The following RTTN variants were observed in gnomAD, a reference collection of about 807,000 sequenced individuals.
RTTN encodes the protein rotatin.
Under a neutral mutation model 269.2 loss-of-function variants are expected in RTTN, and 182 were observed. The observed-to-expected ratio is 0.68, with a 90% CI of 0.60 to 0.76. The LOEUF (loss-of-function observed/expected upper bound fraction) is 0.76, where lower values mean the gene tolerates loss of function less well. RTTN is among the 30% of genes least tolerant of loss of function. RTTN has a pLI of 0.00. For synonymous variants in RTTN, 1,006 were observed against 963.5 expected (o/e 1.04, Z -0.82); for missense variants, 2,545 against 2,608.6 (o/e 0.98, Z 0.53).
chr18:70,022,699 A>G (rs947721356), intron 44 of RTTN, among the ~76,000 whole-genome samples: 2 of 152,176 alleles, frequency 1.3e-5, no homozygotes, highest in African/African-American at 4.8e-5. Context: ...TAAGTCCAAC[A>G]GCCATTTTTT....
chr18:70,152,472 C>T (rs558914510), intron 14 of RTTN, among the ~76,000 whole-genome samples: 2 of 152,170 alleles, frequency 1.3e-5, no homozygotes, highest in Admixed American at 6.5e-5. Flanking sequence ...AGTAAATGCT[C>T]AATAAATGTT....
intron 11 of RTTN, among the ~76,000 whole-genome samples, chr18:70,173,761 ACAG>A (rs2061211432): frequency 6.6e-6 from 1 of 152,206 alleles, no homozygotes; most frequent in East Asian, 1.9e-4. Flanking sequence ...GTTTAAAAAT[ACAG>A]TCAGTAAGAA....
In RTTN at chr18:70,092,101, C is replaced by T; in HGVS notation, c.4143+9G>A. 2 of 1,560,868 alleles carry T rather than the reference C, an allele frequency of 1.3e-6. No homozygotes were observed. The highest frequency in any genetic ancestry group is 1.8e-6 in the Non-Finnish European group (2 of 1,132,390). On this transcript the variant is annotated intron_variant, in intron 30 of 48. Coordinates refer to ENST00000640769, the MANE Select transcript of RTTN (RefSeq NM_173630.4). ...AAACACAATACACTTGATTCTCCTT[C>T]ACACTCACCTCTGGGTCCCGATCAA...
At position 70,160,594 on chromosome 18, in the gene RTTN, T is replaced by C. The variant is rs187933894; in HGVS notation, c.1929+5468A>G. On this transcript the variant is annotated intron_variant, in intron 14 of 48. Transcript: ENST00000640769. ...AGCCAGATCAATCAGGCAAGAAAAATAAAAGGCATCCAAATAGGAAGAGGA... is the reference window on the plus strand; with the variant it reads ...AGCCAGATCAATCAGGCAAGAAAAACAAAAGGCATCCAAATAGGAAGAGGA... 9.5e-5 allele frequency among the ~76,000 whole-genome samples: 9 copies of C among 94,806 alleles called. No individual in the cohort carries two copies. The East Asian group carries it at 2.6e-3, about 27-fold the overall frequency. 62.2% of individuals were successfully genotyped at this position (94,806 alleles called of 152,430 possible). A position where few individuals can be genotyped will look rare whatever the true frequency, so the allele number is the denominator to read the frequency against.
chr18:70,022,745 C>T (rs2056741986), intron 44 of RTTN, among the ~76,000 whole-genome samples: 1 of 152,126 alleles, frequency 6.6e-6, no homozygotes, highest in Admixed American at 6.6e-5. Context: ...AATAGCATTC[C>T]ACACAACTGA....
rs183026540 is a variant in RTTN, at chr18:70,027,274, C to A, written c.5823+1450G>T. ...GCAGTGGGTGACCTGGTGAATTACC[C>A]AATAGTGGCCAACTATTAATAATGA... On this transcript the variant is annotated intron_variant, in intron 43 of 48. Coordinates refer to ENST00000640769, the MANE Select transcript of RTTN (RefSeq NM_173630.4). 2.1e-3 allele frequency among the ~76,000 whole-genome samples: 323 copies of A among 152,204 alleles called. 2 individuals carry two copies. The highest frequency in any genetic ancestry group is 1.0e-3 in the Non-Finnish European group (71 of 68,016).
chr18:70,202,626 T>C (rs2061981081), intron 3 of RTTN, among the ~76,000 whole-genome samples: 1 of 152,364 alleles, frequency 6.6e-6, no homozygotes, highest in South Asian at 2.1e-4. Context: ...ATTTGTGATG[T>C]CTTCGAAACT....
rs754240450 is a variant in RTTN at position 70,150,558 on chromosome 18, G to T, written c.2055+50C>A. On this transcript the variant is annotated intron_variant, in intron 15 of 48. Coordinates refer to ENST00000640769, the MANE Select transcript of RTTN (RefSeq NM_173630.4). ...TATATTAGAATATCACCTTGATTTA[G>T]CTGAGTATCTAAGTTACTGTAATAT... The T allele has an allele frequency of 4.5e-6, 7 of 1,564,340 alleles. No individual in the cohort carries two copies. In the East Asian group the frequency reaches 1.4e-4, roughly 30 times the overall value.
At chr18:70,011,665 T>C (rs1407884596) in intron 46 of RTTN, among the ~76,000 whole-genome samples, 1 of 152,232 alleles carries the variant, frequency 6.6e-6, no homozygotes, top group Non-Finnish European at 1.5e-5. Flanking sequence ...AACATTCCCT[T>C]TGAAAACTGG....
At chr18:70,191,541 G>A (rs141314162) in intron 8 of RTTN, among the ~76,000 whole-genome samples, 22 of 152,224 alleles carry the variant, frequency 1.4e-4, no homozygotes, top group African/African-American at 5.3e-4. Flanking sequence ...CTTCAAAAAT[G>A]CACCCAAAAA....
chr18:70,084,203 C>A (rs1599447325), intron 32 of RTTN, among the ~76,000 whole-genome samples: 1 of 147,966 alleles, frequency 6.8e-6, no homozygotes, highest in East Asian at 2.0e-4. Flanking sequence ...AAACAAAGTG[C>A]AAAGCAATAG....
chr18:70,146,011 A>C (rs894148662), intron 17 of RTTN, among the ~76,000 whole-genome samples: 36 of 152,240 alleles, frequency 2.4e-4, no homozygotes, highest in African/African-American at 8.4e-4. Context: ...ACAAAAAATA[A>C]TAACTACAAA....
intron 23 of RTTN, 41 bp downstream of exon 23, chr18:70,134,432 C>T (rs2060072289): frequency 2.9e-6 from 4 of 1,381,154 alleles, no homozygotes; most frequent in Non-Finnish European, 4.1e-6. Context: ...TCTGTAACAA[C>T]ATTTCGTCCT....
Position 70,065,933 on chromosome 18 carries a change from G to A in RTTN, c.4654-11C>T, listed in dbSNP as rs369228345. The A allele has an allele frequency of 6.5e-5, 102 of 1,558,848 alleles. No individual in the cohort carries two copies. The highest frequency in any genetic ancestry group is 1.7e-4 in the Admixed American group (9 of 54,452). Reference sequence around the variant, plus strand: ...CAATGAAGGTGCCACCTATGAATCAGTAAATTATTTTACTTATTAATGTTA... The same window carrying A: ...CAATGAAGGTGCCACCTATGAATCAATAAATTATTTTACTTATTAATGTTA... On this transcript the variant is annotated splice_polypyrimidine_tract_variant and intron_variant, in intron 34 of 48. Coordinates refer to ENST00000640769, the MANE Select transcript of RTTN (RefSeq NM_173630.4).
intron 11 of RTTN, among the ~76,000 whole-genome samples, chr18:70,172,319 T>C (rs1177433411): frequency 6.6e-6 from 1 of 152,130 alleles, no homozygotes; most frequent in Admixed American, 6.6e-5. Context: ...TTTTCCAACA[T>C]CCAAACTACC....
chr18:70,049,428 C>T (rs2057590430), intron 39 of RTTN, among the ~76,000 whole-genome samples: 2 of 152,226 alleles, frequency 1.3e-5, no homozygotes, highest in South Asian at 4.2e-4. Context: ...TGATATCCTA[C>T]GTGGACACTG....
At chr18:70,127,425 T>A (rs2059892912) in intron 25 of RTTN, 77 bp downstream of exon 25, 3 of 1,517,020 alleles carry the variant, frequency 2.0e-6, no homozygotes, top group Non-Finnish European at 2.7e-6. Flanking sequence ...TAGACTCTTA[T>A]CTTCAAAGGT....
At chr18:70,133,608 G>A (rs1299088048) in intron 23 of RTTN, among the ~76,000 whole-genome samples, 1 of 37,026 alleles carries the variant, frequency 2.7e-5, no homozygotes, top group East Asian at 0.071. Context: ...TCTCCAAGTT[G>A]AGCAAAAAGC....
At chr18:70,105,213 C>T (rs982524997) in intron 28 of RTTN, among the ~76,000 whole-genome samples, 1 of 152,246 alleles carries the variant, frequency 6.6e-6, no homozygotes, top group African/African-American at 2.4e-5. Flanking sequence ...ACCCCTCCCC[C>T]AGCCTCGCTG....
Sources: allele counts gnomAD v4.1 joint callset (sites outside exome capture counted in the v4.1 genomes callset), GRCh38; gene constraint gnomAD v4.1.1; transcripts MANE v1.5; gene names NCBI Gene and HGNC (gene_info 2026-07-23, HGNC 2026-07-21).